SP110: variants seen among roughly 807,000 people sequenced by gnomAD.
The protein encoded by SP110 is interferon-induced protein 41, 30kD.
In SP110, 62 loss-of-function variants were observed where a neutral mutation model predicts 92.7. The ratio of observed to expected loss-of-function variants is 0.67; its 90% CI spans 0.55 to 0.83. The LOEUF is 0.83. SP110 is among the 40% of genes least tolerant of loss of function. SP110 has a pLI of 0.00. For missense variants in SP110, 793 were observed against 863.9 expected, an observed-to-expected ratio of 0.92 and a Z score of 1.03; for synonymous variants, 273 against 305.3, an observed-to-expected ratio of 0.89 and a Z score of 1.10.
At position 230,211,405 on chromosome 2, in the gene SP110, T is replaced by C; in HGVS notation, c.751+65A>G. 9.7e-7 allele frequency: 1 copy of C among 1,027,958 alleles called. No individual in the cohort carries two copies. Among genetic ancestry groups the C allele is most frequent in the South Asian group, 1.3e-5 (1 of 79,644 alleles). The allele number at this position is 1,027,958 out of a possible 1,614,324, so 63.7% of individuals were successfully genotyped here. A position where few individuals can be genotyped will look rare whatever the true frequency, so the allele number is the denominator to read the frequency against. On this transcript the variant is annotated intron_variant, in intron 6 of 18. Transcript: ENST00000258381. The surrounding 1 kb of genome is among the most constrained non-coding windows in gnomAD (Gnocchi z 4.2). ...GAGCCCCCTCTCTAGAAGATCCGAA[T>C]GGCTTTTCCTCTTAGTAAACACAGA... is the stretch of plus-strand genomic sequence containing the variant.
intron 10 of SP110, among the ~76,000 whole-genome samples, chr2:230,189,952 T>G (rs2042535611): frequency 1.3e-5 from 2 of 152,176 alleles, no homozygotes; most frequent in Non-Finnish European, 2.9e-5. Flanking sequence ...TGCTGGATTC[T>G]TTATCCAGCA....
chr2:230,186,831 T>C (rs545460361), intron 10 of SP110, among the ~76,000 whole-genome samples: 1 of 152,346 alleles, frequency 6.6e-6, no homozygotes, highest in South Asian at 2.1e-4. Flanking sequence ...AAAGACATTA[T>C]TTCATTCTTT....
At chr2:230,186,627 C>T (rs550443913) in intron 10 of SP110, among the ~76,000 whole-genome samples, 1 of 151,978 alleles carries the variant, frequency 6.6e-6, no homozygotes, top group East Asian at 1.9e-4. Flanking sequence ...TACATTGTAC[C>T]CAATACATAG....
At chr2:230,215,777 T>G (rs575515313) in intron 2 of SP110, among the ~76,000 whole-genome samples, 103 of 152,386 alleles carry the variant, frequency 6.8e-4, no homozygotes, top group Non-Finnish European at 1.2e-3. Flanking sequence ...GGGTAGGCAC[T>G]GTCAAGTGGA....
At chr2:230,224,094 C>T (rs2046044846), upstream of SP110, among the ~76,000 whole-genome samples, 1 of 152,198 alleles carries the variant, frequency 6.6e-6, no homozygotes, top group Non-Finnish European at 1.5e-5. Context: ...AAATTTCAGG[C>T]TATCCTTACC....
chr2:230,225,341 A>G (rs1048955909), intron 1 of SP110, among the ~76,000 whole-genome samples: 1 of 152,014 alleles, frequency 6.6e-6, no homozygotes, highest in Non-Finnish European at 1.5e-5. Context: ...AATGCATGCT[A>G]TTTCAGTTCT....
At chr2:230,182,301 C>T (rs1168242417) in intron 12 of SP110, among the ~76,000 whole-genome samples, 1 of 152,028 alleles carries the variant, frequency 6.6e-6, no homozygotes, top group African/African-American at 2.4e-5. Context: ...CACATTGGGG[C>T]CTATCAGGGG....
rs371938767 is a variant in SP110 at position 230,216,734 on chromosome 2, A to C, written c.147+47T>G. On this transcript the variant is annotated intron_variant, in intron 2 of 18. Coordinates refer to ENST00000258381, the MANE Select transcript of SP110 (RefSeq NM_080424.4). ...TGGTTTGAGACTTTAATAATCAGGC[A>C]TATTGGTGGGGGCTGGGCTGCCATG... The C allele has an allele frequency of 1.1e-5, 18 of 1,609,266 alleles. No homozygotes were observed. The African/African-American group carries it at 2.3e-4, about 20-fold the overall frequency.
intron 8 of SP110, 77 bp from the exon 9 acceptor site, chr2:230,202,805 C>T: frequency 7.3e-7 from 1 of 1,366,930 alleles, no homozygotes; most frequent in Admixed American, 1.7e-5. Flanking sequence ...TCAGTGACTT[C>T]CCTTCTCATG....
In SP110 at chr2:230,172,729, G is replaced by A. The variant is rs76015345; in HGVS notation, c.1706+115C>T. On this transcript the variant is annotated intron_variant, in intron 15 of 18. Coordinates refer to ENST00000258381, the MANE Select transcript of SP110 (RefSeq NM_080424.4). ...TCTCAGAGACCCAGAGAGGCCCAGA[G>A]TCTCTGGCACCAGACTGCTCTGCGT... The A allele has an allele frequency of 9.3e-4, 653 of 698,738 alleles. 4 individuals carry two copies. The African/African-American group carries it at 0.011, about 12-fold the overall frequency. The allele number at this position is 698,738 out of a possible 1,614,324, so 43.3% of individuals were successfully genotyped here.
chr2:230,188,785 G>T (rs780723805), intron 10 of SP110, among the ~76,000 whole-genome samples: 1 of 152,086 alleles, frequency 6.6e-6, no homozygotes, highest in African/African-American at 2.4e-5. Context: ...CCACATTATT[G>T]ACTTGCATGT....
At chr2:230,183,795 C>G (rs995384558) in intron 11 of SP110, among the ~76,000 whole-genome samples, 155 bp from the exon 12 acceptor site, 1 of 152,124 alleles carries the variant, frequency 6.6e-6, no homozygotes, top group East Asian at 1.9e-4. Flanking sequence ...GTAGCATTGA[C>G]TAAGGAAATA....
chr2:230,222,137 T>C (rs2045874796), upstream of SP110, among the ~76,000 whole-genome samples: 1 of 150,266 alleles, frequency 6.7e-6, no homozygotes, highest in African/African-American at 2.5e-5. Flanking sequence ...GGCTGAGGCA[T>C]GAGAATCGCT....
chr2:230,204,488 A>G (rs551650494), intron 8 of SP110, among the ~76,000 whole-genome samples: 81 of 152,280 alleles, frequency 5.3e-4, no homozygotes, highest in Admixed American at 2.4e-3. Context: ...TTGTATCTAC[A>G]CCACGTGGTG....
rs6714894 is a variant in SP110, at chr2:230,165,448, C to T, written c.*3676G>A. Among the ~76,000 whole-genome samples, 150,751 of 152,382 alleles carry T rather than the reference C, an allele frequency of 0.99. 74,589 individuals carry two copies. Among genetic ancestry groups the T allele is most frequent in the East Asian group, 1 (5,190 of 5,190 alleles). ...CTGTTCTCAAAAATACAGGTTATCA[C>T]GTAACACACACTTTTAATTTTTGCT... On this transcript the variant is annotated 3_prime_UTR_variant, in exon 19 of 19. Transcript: ENST00000258381.
chr2:230,171,018 C>T (rs1431954034), intron 17 of SP110: 2 of 558,560 alleles, frequency 3.6e-6, no homozygotes, highest in Non-Finnish European at 3.2e-6. Flanking sequence ...ATGGAGAGGT[C>T]AAGGAACCTA....
At chr2:230,212,582 T>C (rs1207862385) in intron 4 of SP110, 152 bp from the exon 5 acceptor site, 2 of 1,074,158 alleles carry the variant, frequency 1.9e-6, no homozygotes, top group African/African-American at 3.1e-5. Flanking sequence ...TTCTGGACTC[T>C]AGGTCTTACC....
chr2:230,219,759 G>T (rs1321546636), intron 1 of SP110, 115 bp downstream of exon 1: 2 of 203,360 alleles, frequency 9.8e-6, no homozygotes, highest in East Asian at 3.7e-4. Flanking sequence ...TGAGCTCTGA[G>T]AGAGCCTCAG....
rs80008452 is a variant in SP110 at position 230,179,723 on chromosome 2, G to A, written c.1349-1468C>T. On this transcript the variant is annotated intron_variant, in intron 12 of 18. Transcript: ENST00000258381. The stretch of plus-strand genomic sequence containing the variant: ...TACAGTTCTCTGTCTCCACAGAAAT[G>A]TCTTCTCTAATTCCCTGTGGTGAAT... 5.7e-4 allele frequency among the ~76,000 whole-genome samples: 87 copies of A among 152,000 alleles called. 1 individual carries two copies. The highest frequency in any genetic ancestry group is 1.9e-3 in the African/African-American group (78 of 41,440).
Sources: allele counts gnomAD v4.1 joint callset (sites outside exome capture counted in the v4.1 genomes callset), GRCh38; gene constraint gnomAD v4.1.1; non-coding constraint Gnocchi (gnomAD v3.1); transcripts MANE v1.5; gene names NCBI Gene and HGNC (gene_info 2026-07-23, HGNC 2026-07-21).